Variants in EML6 observed in about 807,000 individuals in gnomAD.
The protein encoded by EML6 is echinoderm microtubule-associated protein-like 6.
Under a neutral mutation model 240.1 loss-of-function variants are expected in EML6, and 154 were observed. That is an observed-to-expected ratio of 0.64 (90% confidence interval 0.56 to 0.73). The LOEUF (loss-of-function observed/expected upper bound fraction) is 0.73, where lower values mean the gene tolerates loss of function less well. Among genes scored for constraint, EML6 ranks in the 30% least tolerant of loss-of-function variants. The pLI, the probability that EML6 is intolerant of heterozygous loss-of-function variation, is 0.00. For missense variants in EML6, 2,964 were observed against 2,474.6 expected, an observed-to-expected ratio of 1.20 and a Z score of -4.20; for synonymous variants, 1,148 against 899.0, an observed-to-expected ratio of 1.28 and a Z score of -4.95.
At chr2:54,902,277 C>G (rs986685577) in intron 22 of EML6, among the ~76,000 whole-genome samples, 2 of 152,096 alleles carry the variant, frequency 1.3e-5, no homozygotes, top group Non-Finnish European at 2.9e-5. Flanking sequence ...CTCCATTTAC[C>G]CCACTTATTT....
intron 28 of EML6, among the ~76,000 whole-genome samples, chr2:54,935,609 G>A (rs1040341088): frequency 3.9e-5 from 6 of 152,146 alleles, no homozygotes; most frequent in Non-Finnish European, 5.9e-5. Flanking sequence ...CCATCTGAGC[G>A]TGCCACAACA....
chr2:54,822,873 C>T (rs2104122273), intron 5 of EML6, among the ~76,000 whole-genome samples: 1 of 152,076 alleles, frequency 6.6e-6, no homozygotes, highest in African/African-American at 2.4e-5. Flanking sequence ...TTAGAGGTTC[C>T]ACTACTCAAA....
At chr2:54,873,079 G>A (rs1211142910) in intron 16 of EML6, among the ~76,000 whole-genome samples, 1 of 152,232 alleles carries the variant, frequency 6.6e-6, no homozygotes, top group Non-Finnish European at 1.5e-5. Context: ...ATGAACAAAT[G>A]AGGTTCTGCT....
intron 2 of EML6, among the ~76,000 whole-genome samples, chr2:54,736,253 A>G (rs17416806): frequency 0.26 from 40,111 of 152,180 alleles, 6,363 homozygotes; most frequent in East Asian, 0.57. Flanking sequence ...TAGGAAGATC[A>G]TTGCAGGAGT....
chr2:54,772,940 T>C (rs1668458762), intron 2 of EML6, among the ~76,000 whole-genome samples: 1 of 152,228 alleles, frequency 6.6e-6, no homozygotes, highest in Non-Finnish European at 1.5e-5. Flanking sequence ...TTCTCAGTAT[T>C]TTGTTGACTT....
At chr2:54,843,931 G>T (rs1302192239) in intron 7 of EML6, 116 bp from the exon 8 acceptor site, 2 of 753,646 alleles carry the variant, frequency 2.7e-6, no homozygotes, top group Non-Finnish European at 4.4e-6. Flanking sequence ...ACATTTGATG[G>T]TATCCTGGTT....
At chr2:54,846,272 G>A (rs1180534267) in intron 8 of EML6, among the ~76,000 whole-genome samples, 2 of 151,928 alleles carry the variant, frequency 1.3e-5, no homozygotes, top group African/African-American at 4.8e-5. Context: ...TTCCTAGGAA[G>A]GCCAACAAAT....
In EML6 at chr2:54,827,719, A is replaced by G; in HGVS notation, c.679A>G (p.Asn227Asp). The G allele has an allele frequency of 6.4e-7, 1 of 1,551,688 alleles. No homozygotes were observed. The highest frequency in any genetic ancestry group is 8.7e-7 in the Non-Finnish European group (1 of 1,146,954). ...NGDIYVWKGL[N>D]LVRTIQGAHS... Reference sequence around the variant, plus strand: ...TGACATCTATGTCTGGAAAGGGCTCAATTTAGTCCGCACCATTCAAGGAGC... The same window carrying G: ...TGACATCTATGTCTGGAAAGGGCTCGATTTAGTCCGCACCATTCAAGGAGC... Residue 227 changes from asparagine (N) to aspartate (D), a missense_variant, in exon 6 of 42, where the codon AAT becomes GAT. By Grantham distance (23) the Asn-to-Asp change is conservative. Coordinates refer to ENST00000356458, the MANE Select transcript of EML6 (RefSeq NM_001039753.4).
intron 17 of EML6, among the ~76,000 whole-genome samples, chr2:54,884,253 T>TA (rs1481018085): frequency 9.6e-5 from 14 of 146,102 alleles, no homozygotes; most frequent in Non-Finnish European, 1.7e-4. Context: ...TGGGAAGCTA[T>TA]ATAGGGCAAG....
chr2:54,754,377 T>C (rs1004733870), intron 2 of EML6, among the ~76,000 whole-genome samples: 6 of 152,106 alleles, frequency 3.9e-5, no homozygotes, highest in African/African-American at 1.4e-4. Flanking sequence ...AGTACATTTG[T>C]GTTGTTTGAA....
intron 7 of EML6, among the ~76,000 whole-genome samples, chr2:54,833,706 C>A (rs902869659): frequency 1.3e-5 from 2 of 152,160 alleles, no homozygotes; most frequent in African/African-American, 4.8e-5. Context: ...TTTATTTGCA[C>A]CGGTGACTTG....
intron 26 of EML6, among the ~76,000 whole-genome samples, chr2:54,920,294 A>T (rs1172816805): frequency 6.6e-6 from 1 of 152,162 alleles, no homozygotes; most frequent in Admixed American, 6.5e-5. Context: ...AGCCAAAAAA[A>T]GGACTCAAAT....
intron 11 of EML6, among the ~76,000 whole-genome samples, chr2:54,856,821 G>A (rs1162718027): frequency 6.6e-6 from 1 of 152,212 alleles, no homozygotes; most frequent in Non-Finnish European, 1.5e-5. Flanking sequence ...AAGCTTTTAA[G>A]ACTGTTTTGA....
In EML6 at chr2:54,813,357, G is replaced by T; in HGVS notation, c.323G>T (p.Gly108Val). 1 of 1,551,680 alleles carries T rather than the reference G, an allele frequency of 6.4e-7. No homozygotes were observed. Among genetic ancestry groups the T allele is most frequent in the Non-Finnish European group, 8.7e-7 (1 of 1,146,868 alleles). Residue 108 changes from glycine (G) to valine (V), a missense_variant, in exon 3 of 42, where the codon GGA becomes GTA. Transcript: ENST00000356458. ...VSLLKDVHTH[G>V]VACLAFDSDG... is the part of the protein sequence containing the mutation. Reference sequence around the variant, plus strand: ...CTTCTTAAAGATGTCCATACACATGGAGTTGCCTGCCTGGCTTTTGACTCA... The same window carrying T: ...CTTCTTAAAGATGTCCATACACATGTAGTTGCCTGCCTGGCTTTTGACTCA...
chr2:54,867,535 G>A (rs1009412359), intron 14 of EML6: 5 of 152,354 alleles, frequency 3.3e-5, no homozygotes, highest in Middle Eastern at 3.4e-3. Context: ...GGGAGGCTGA[G>A]GCAGGTGGAT....
At chr2:54,962,123 C>T (rs1231764307) in intron 35 of EML6, among the ~76,000 whole-genome samples, 1 of 148,430 alleles carries the variant, frequency 6.7e-6, no homozygotes. Context: ...CACTGTGTCA[C>T]CCAGGCTGGA....
Position 54,813,249 on chromosome 2 carries a change from A to G in EML6, c.215A>G (p.Asp72Gly), listed in dbSNP as rs1445069068. The change falls in exon 3 of 42, where the codon GAC becomes GGC. Residue 72 changes from aspartate (D) to glycine (G), a missense_variant. Asp to Gly is a moderately conservative substitution (Grantham distance 94). Coordinates refer to ENST00000356458, the MANE Select transcript of EML6 (RefSeq NM_001039753.4). ...TCTTTCAGCCTTGCCTTACACCCAG[A>G]CAAAACTCTCGTTGCAACTGGCCAA... ...DDIISLALHP[D>G]KTLVATGQVG... The G allele has an allele frequency of 1.9e-6, 3 of 1,550,438 alleles. No individual in the cohort carries two copies. The highest frequency in any genetic ancestry group is 2.7e-5 in the African/African-American group (2 of 73,024).
At chr2:54,790,724 C>CTTTT (rs368684488) in intron 2 of EML6, among the ~76,000 whole-genome samples, 6 of 123,302 alleles carry the variant, frequency 4.9e-5, no homozygotes, top group Non-Finnish European at 8.2e-5. Context: ...CTTAATTTTC[C>CTTTT]TTTTTTTTTT....
At chr2:54,826,525 A>G (rs920676124) in intron 5 of EML6, among the ~76,000 whole-genome samples, 1 of 152,244 alleles carries the variant, frequency 6.6e-6, no homozygotes, top group African/African-American at 2.4e-5. Context: ...GCTTGAACCC[A>G]GGAGGCAGAG....
Sources: gnomAD v4.1 joint callset for allele counts (sites outside exome capture counted in the v4.1 genomes callset) on GRCh38, gnomAD v4.1.1 for gene constraint, MANE v1.5 for transcripts, NCBI Gene and HGNC (gene_info 2026-07-23, HGNC 2026-07-21) for gene names.